LRRK1: variants seen among roughly 807,000 people sequenced by gnomAD.
LRRK1 encodes the protein leucine-rich repeat serine/threonine-protein kinase 1.
A neutral mutation model predicts 209.1 loss-of-function variants in LRRK1; 113 were observed. The ratio of observed to expected loss-of-function variants is 0.54; its 90% CI spans 0.46 to 0.63. The LOEUF (loss-of-function observed/expected upper bound fraction) is 0.63, where lower values mean the gene tolerates loss of function less well. LRRK1 is among the 30% of genes least tolerant of loss of function. LRRK1 has a pLI of 0.00. For missense variants in LRRK1, 2,284 were observed against 2,632.2 expected, an observed-to-expected ratio of 0.87 and a Z score of 2.89; for synonymous variants, 1,144 against 1,099.7, an observed-to-expected ratio of 1.04 and a Z score of -0.80.
intron 22 of LRRK1, 144 bp from the exon 23 acceptor site, chr15:101,049,500 G>T: frequency 1.1e-6 from 1 of 881,814 alleles, no homozygotes; most frequent in East Asian, 2.5e-5. Context: ...CGTACATACA[G>T]GGAGGAGTCC....
chr15:100,979,558 T>G (rs757708099), intron 3 of LRRK1, among the ~76,000 whole-genome samples: 11 of 152,024 alleles, frequency 7.2e-5, no homozygotes, highest in Non-Finnish European at 1.3e-4. Context: ...AAGAAATGAT[T>G]TATGAAAGAA....
In LRRK1 at chr15:100,930,468, G is replaced by C. The variant is rs1358435576; in HGVS notation, c.97+5739G>C. On this transcript the variant is annotated intron_variant, in intron 2 of 33. Transcript: ENST00000388948. The stretch of plus-strand genomic sequence containing the variant: ...CCCCCACTGATCCACCCCATCCTAG[G>C]TGGCCCAAGCCTGAATGTGGTAGCT... 5.9e-5 allele frequency among the ~76,000 whole-genome samples: 9 copies of C among 152,242 alleles called. No individual in the cohort carries two copies. The East Asian group carries it at 1.7e-3, about 29-fold the overall frequency.
intron 2 of LRRK1, among the ~76,000 whole-genome samples, chr15:100,963,827 A>C (rs186109566): frequency 5.2e-4 from 79 of 152,310 alleles, no homozygotes; most frequent in Non-Finnish European, 9.7e-4. Context: ...CCCCACACTC[A>C]TGACAGCAAG....
chr15:100,931,985 T>C (rs1305203003), intron 2 of LRRK1, among the ~76,000 whole-genome samples: 2 of 151,844 alleles, frequency 1.3e-5, no homozygotes, highest in East Asian at 3.8e-4. Context: ...GTTTTCTTTT[T>C]GTTTGTTTGT....
At chr15:101,066,279 G>T in intron 32 of LRRK1, 74 bp downstream of exon 32, 1 of 1,510,378 alleles carries the variant, frequency 6.6e-7, no homozygotes, top group South Asian at 1.3e-5. Context: ...GCAAGGGGAA[G>T]CCCCCTGGCT....
At chr15:101,053,642 G>A (rs1169519090) in intron 26 of LRRK1, among the ~76,000 whole-genome samples, 3 of 152,328 alleles carry the variant, frequency 2.0e-5, no homozygotes, top group Middle Eastern at 6.8e-3. Flanking sequence ...CTCTGGAGTC[G>A]GCTAAGACCA....
intron 2 of LRRK1, among the ~76,000 whole-genome samples, chr15:100,933,093 G>A (rs931265340): frequency 4.6e-5 from 7 of 152,262 alleles, no homozygotes; most frequent in Middle Eastern, 6.8e-3. Flanking sequence ...AGGCCTCCTG[G>A]GAGGCTCCTG....
At chr15:100,953,712 C>A (rs1008849726) in intron 2 of LRRK1, among the ~76,000 whole-genome samples, 9 of 152,046 alleles carry the variant, frequency 5.9e-5, no homozygotes, top group African/African-American at 1.9e-4. Context: ...AGTGGGATTT[C>A]TGAATCATAG....
intron 26 of LRRK1, 30 bp from the exon 27 acceptor site, chr15:101,054,916 A>G: frequency 6.5e-7 from 1 of 1,544,256 alleles, no homozygotes. Flanking sequence ...TGAAATTTTG[A>G]TACATTTGAA....
intron 1 of LRRK1, among the ~76,000 whole-genome samples, chr15:100,923,050 C>A (rs1032626733): frequency 6.6e-6 from 1 of 152,194 alleles, no homozygotes; most frequent in African/African-American, 2.4e-5. Flanking sequence ...CTGGCATCTG[C>A]CCTCCAGCAT....
At chr15:100,934,618 C>T (rs12904383) in intron 2 of LRRK1, among the ~76,000 whole-genome samples, 25,327 of 127,782 alleles carry the variant, frequency 0.2, 3,077 homozygotes, top group East Asian at 0.42. Flanking sequence ...GGCAAAACCC[C>T]ATCTCTACAA....
At chr15:101,021,561 A>G (rs981031912) in intron 13 of LRRK1, 5 of 501,928 alleles carry the variant, frequency 1.0e-5, no homozygotes, top group African/African-American at 9.7e-5. Flanking sequence ...GGGAAGAGGT[A>G]GTGATCATCT....
At chr15:100,935,872 C>T (rs2042290434) in intron 2 of LRRK1, among the ~76,000 whole-genome samples, 1 of 152,334 alleles carries the variant, frequency 6.6e-6, no homozygotes, top group Non-Finnish European at 1.5e-5. Flanking sequence ...TGACTTCTCT[C>T]TCTTCCACAC....
At chr15:101,031,980 T>C (rs1160536433) in intron 20 of LRRK1, among the ~76,000 whole-genome samples, 1 of 152,170 alleles carries the variant, frequency 6.6e-6, no homozygotes. Flanking sequence ...GTGATCCGCC[T>C]GCCTTGGCCT....
chr15:101,066,166 T>C lies in LRRK1; in HGVS notation c.5729T>C (p.Val1910Ala). The change falls in exon 32 of 34, where the codon GTG becomes GCG. Residue 1910 changes from valine (V) to alanine (A), a missense_variant. By Grantham distance (64) the Val-to-Ala change is moderately conservative (BLOSUM62 0). Around this residue, in one of 6 missense-constraint regions of LRRK1, gnomAD observed 643 missense variants for 695.9 expected, o/e 0.92. Coordinates refer to ENST00000388948, the MANE Select transcript of LRRK1 (RefSeq NM_024652.6). ...GETFSQHLQAVKILAVRDLIW... is the reference protein window; with the variant it reads ...GETFSQHLQAAKILAVRDLIW... ...ACCTTCAGCCAGCACCTGCAGGCCG[T>C]GAAGATCCTCGCCGTCAGAGACCTC... is the stretch of plus-strand genomic sequence containing the variant. 1 of 1,613,046 alleles carries C rather than the reference T, an allele frequency of 6.2e-7. No homozygotes were observed.
chr15:101,001,440 T>C (rs1005566413), intron 6 of LRRK1, among the ~76,000 whole-genome samples: 1 of 152,198 alleles, frequency 6.6e-6, no homozygotes, highest in African/African-American at 2.4e-5. Flanking sequence ...TTTGGCATTT[T>C]CTCCAGGCCT....
chr15:101,068,799 C>T lies in LRRK1; in HGVS notation c.5999C>T (p.Ser2000Phe), dbSNP rs2036671208. 8 of 1,612,718 alleles carry T rather than the reference C, an allele frequency of 5.0e-6. No individual in the cohort carries two copies. Among genetic ancestry groups the T allele is most frequent in the Non-Finnish European group, 5.9e-6 (7 of 1,179,536 alleles). Reference sequence around the variant, plus strand: ...AGGGAGTTCGACATTTTCTACCAGTCCTACGAGGAGCTGGGCCGGCTGGAG... The same window carrying T: ...AGGGAGTTCGACATTTTCTACCAGTTCTACGAGGAGCTGGGCCGGCTGGAG... ...GAREFDIFYQ[S>F]YEELGRLEAC... is the part of the protein sequence containing the mutation. Residue 2000 changes from serine (S) to phenylalanine (F), a missense_variant, in exon 34 of 34, where the codon TCC becomes TTC. By Grantham distance (155) the Ser-to-Phe change is radical. This residue lies in a region of LRRK1 where 643 missense variants were observed against 695.9 expected (regional missense o/e 0.92). Transcript: ENST00000388948.
At chr15:101,067,533 C>A (rs1278830711) in intron 33 of LRRK1, 1 of 283,910 alleles carries the variant, frequency 3.5e-6, no homozygotes, top group Non-Finnish European at 7.2e-6. Context: ...CATCCCTGGG[C>A]AAGTGGGTTT....
At position 101,027,241 on chromosome 15, in the gene LRRK1, A is replaced by G; in HGVS notation, c.2406-20A>G. The stretch of plus-strand genomic sequence containing the variant: ...TCGGAGTGGGGCATGATGAGTAAAG[A>G]CGGGTCTTTTTGCTCACAGTGAGAT... On this transcript the variant is annotated intron_variant, in intron 17 of 33. Coordinates refer to ENST00000388948, the MANE Select transcript of LRRK1 (RefSeq NM_024652.6). The surrounding 1 kb of genome is among the most constrained non-coding windows in gnomAD (Gnocchi z 5.1). 6.2e-7 allele frequency: 1 copy of G among 1,613,656 alleles called. No homozygotes were observed. The highest frequency in any genetic ancestry group is 8.5e-7 in the Non-Finnish European group (1 of 1,179,848).
Sources: gnomAD v4.1 joint callset for allele counts (sites outside exome capture counted in the v4.1 genomes callset) on GRCh38, gnomAD v4.1.1 for gene constraint, gnomAD v4.1.1 regional missense constraint, Gnocchi (gnomAD v3.1) non-coding constraint, MANE v1.5 for transcripts, NCBI Gene and HGNC (gene_info 2026-07-23, HGNC 2026-07-21) for gene names.